C16orf74: variants seen among roughly 807,000 people sequenced by gnomAD.
The protein encoded by C16orf74 is calcimembrin.
In C16orf74, 10 loss-of-function variants were observed where a neutral mutation model predicts 6.5. The observed-to-expected ratio is 1.54, with a 90% CI of 0.95 to 2.61. C16orf74 has a LOEUF of 2.61. Ranked by LOEUF, C16orf74 falls within the 30% of genes most tolerant of loss-of-function variation. The pLI is 0.00. For synonymous variants in C16orf74, 60 were observed against 42.5 expected, an observed-to-expected ratio of 1.41 and a Z score of -1.60; for missense variants, 141 against 105.9, an observed-to-expected ratio of 1.33 and a Z score of -1.45.
intron 1 of C16orf74, among the ~76,000 whole-genome samples, chr16:85,740,556 G>A (rs1477097006): frequency 6.6e-6 from 1 of 152,008 alleles, no homozygotes; most frequent in Non-Finnish European, 1.5e-5. Context: ...TAAAAAATTA[G>A]CCAGGCGTGG....
At chr16:85,745,077 G>A (rs565466591) in intron 1 of C16orf74, among the ~76,000 whole-genome samples, 42 of 145,136 alleles carry the variant, frequency 2.9e-4, no homozygotes, top group Admixed American at 4.9e-4. Flanking sequence ...GGAGCTGCAG[G>A]TTGTGGAGAG....
In C16orf74 at chr16:85,748,952, T is replaced by G. The variant is rs925681646; in HGVS notation, c.-19+1974A>C. ...TTTTTTTTTTTTTTTTTTTTTATTT[T>G]ATTTTTTTTTAGAGAAAGGAGTCTC... On this transcript the variant is annotated intron_variant, in intron 1 of 3. Transcript: ENST00000284245. Among the ~76,000 whole-genome samples, 43 of 149,292 alleles carry G rather than the reference T, an allele frequency of 2.9e-4. 1 individual carries two copies. Among genetic ancestry groups the G allele is most frequent in the Non-Finnish European group, 1.2e-4 (8 of 66,662 alleles).
chr16:85,743,884 T>C (rs1017678945), intron 1 of C16orf74, among the ~76,000 whole-genome samples: 5 of 151,914 alleles, frequency 3.3e-5, no homozygotes, highest in Non-Finnish European at 7.4e-5. Context: ...AAACCCCGTC[T>C]CTACTAAAAA....
intron 2 of C16orf74, among the ~76,000 whole-genome samples, chr16:85,728,302 A>G (rs997118032): frequency 2.6e-5 from 4 of 152,198 alleles, no homozygotes; most frequent in Non-Finnish European, 5.9e-5. Context: ...TCTCTGTACT[A>G]TCTTTTCAAT....
intron 2 of C16orf74, among the ~76,000 whole-genome samples, chr16:85,726,500 C>A (rs889291767): frequency 1.3e-5 from 2 of 152,126 alleles, no homozygotes; most frequent in African/African-American, 4.8e-5. Flanking sequence ...CAATGGCAGG[C>A]AGTGGGTGAG....
At chr16:85,718,753 A>G (rs1199984073) in intron 2 of C16orf74, among the ~76,000 whole-genome samples, 1 of 152,266 alleles carries the variant, frequency 6.6e-6, no homozygotes, top group African/African-American at 2.4e-5. Flanking sequence ...ACAAGCTGTC[A>G]TTCAGATCAC....
At position 85,710,217 on chromosome 16, in the gene C16orf74, A is replaced by G; in HGVS notation, c.119T>C (p.Ile40Thr). ...CATGCCCGTGGGGGTGGGGGGCGTG[A>G]TGATGATGTCGGGCACGTCCAGGTG... Reference protein sequence around the residue: ...DKHLDVPDIIITPPTPTGMML... With the variant: ...DKHLDVPDIITTPPTPTGMML... Residue 40 changes from isoleucine to threonine, a missense_variant, in exon 3 of 4, where the codon ATC (isoleucine) becomes ACC (threonine). Coordinates refer to ENST00000284245, the MANE Select transcript of C16orf74 (RefSeq NM_206967.3). 6.7e-7 allele frequency: 1 copy of G among 1,500,914 alleles called. No individual in the cohort carries two copies. The highest frequency in any genetic ancestry group is 2.7e-5 in the East Asian group (1 of 37,138). 93.0% of individuals were successfully genotyped at this position (1,500,914 alleles called of 1,614,324 possible).
intron 2 of C16orf74, among the ~76,000 whole-genome samples, chr16:85,734,195 A>C (rs1478094725): frequency 1.3e-5 from 2 of 152,216 alleles, no homozygotes; most frequent in Non-Finnish European, 2.9e-5. Context: ...AATTTGACGA[A>C]GGAAATAGTA....
rs144470979 is a variant in C16orf74, at chr16:85,732,969, G to A, written c.28+2221C>T. Among the ~76,000 whole-genome samples the A allele has an allele frequency of 5.3e-5, 8 of 152,328 alleles. 1 individual carries two copies. Among genetic ancestry groups the A allele is most frequent in the African/African-American group, 1.7e-4 (7 of 41,580 alleles). On this transcript the variant is annotated intron_variant, in intron 2 of 3. Coordinates refer to ENST00000284245, the MANE Select transcript of C16orf74 (RefSeq NM_206967.3). ...CCTGTGCTTTCACTCGTGAGGGGCC[G>A]AGGGTGGGTGGAGGTGGGAGGGCAT... is the stretch of plus-strand genomic sequence containing the variant.
intron 2 of C16orf74, among the ~76,000 whole-genome samples, chr16:85,724,536 A>C (rs1205558716): frequency 1.3e-5 from 2 of 152,184 alleles, no homozygotes; most frequent in Non-Finnish European, 2.9e-5. Context: ...ACAGCACGGA[A>C]GCCTTGCTGT....
intron 2 of C16orf74, among the ~76,000 whole-genome samples, chr16:85,724,915 C>T (rs1030601453): frequency 6.6e-6 from 1 of 152,192 alleles, no homozygotes; most frequent in Non-Finnish European, 1.5e-5. Context: ...AACTATCACC[C>T]GAATACTAAC....
intron 1 of C16orf74, among the ~76,000 whole-genome samples, chr16:85,748,093 T>C (rs185960335): frequency 1.4e-5 from 1 of 71,024 alleles, no homozygotes; most frequent in East Asian, 2.5e-4. Flanking sequence ...CTCAAAAAAA[T>C]ATATATATAT....
At chr16:85,747,205 A>G (rs1004177283) in intron 1 of C16orf74, among the ~76,000 whole-genome samples, 1 of 152,202 alleles carries the variant, frequency 6.6e-6, no homozygotes, top group Non-Finnish European at 1.5e-5. Flanking sequence ...CTTTCTGTAC[A>G]TTATACATCA....
intron 2 of C16orf74, among the ~76,000 whole-genome samples, chr16:85,731,066 G>A (rs1271980832): frequency 6.6e-6 from 1 of 152,198 alleles, no homozygotes; most frequent in Non-Finnish European, 1.5e-5. Context: ...GGATGGTGTG[G>A]CTCTAGATAG....
At chr16:85,710,637 A>C in intron 2 of C16orf74, 2 of 288,808 alleles carry the variant, frequency 6.9e-6, no homozygotes, top group Non-Finnish European at 1.3e-5. Context: ...ACCAGCCCCC[A>C]CTCTCCACAG....
intron 1 of C16orf74, among the ~76,000 whole-genome samples, chr16:85,742,703 G>A (rs776704440): frequency 8.6e-5 from 13 of 151,988 alleles, no homozygotes; most frequent in East Asian, 1.9e-4. Flanking sequence ...CACCACACCC[G>A]GCTAATTTTG....
intron 2 of C16orf74, chr16:85,710,992 C>A (rs576047105): frequency 5.9e-5 from 9 of 152,202 alleles, no homozygotes; most frequent in African/African-American, 2.2e-4. Context: ...AGCGCATGCT[C>A]GAGACAGAGT....
intron 1 of C16orf74, among the ~76,000 whole-genome samples, chr16:85,740,836 A>AAAAAG (rs1555588257): frequency 1.3e-5 from 2 of 150,660 alleles, no homozygotes; most frequent in Non-Finnish European, 3.0e-5. Context: ...TCAAAAAAAA[A>AAAAAG]AAAAAAAAAA....
chr16:85,738,064 G>A (rs1056715439), intron 1 of C16orf74, among the ~76,000 whole-genome samples: 1 of 149,812 alleles, frequency 6.7e-6, no homozygotes, highest in African/African-American at 2.5e-5. Flanking sequence ...CCAAAAGATT[G>A]GACACCCTGG....
Sources: gnomAD v4.1 joint callset for allele counts (sites outside exome capture counted in the v4.1 genomes callset) on GRCh38, gnomAD v4.1.1 for gene constraint, MANE v1.5 for transcripts, NCBI Gene and HGNC (gene_info 2026-07-23, HGNC 2026-07-21) for gene names.